Variants in CACNG5 observed in about 807,000 individuals in gnomAD.
The protein encoded by CACNG5 is voltage-dependent calcium channel gamma-5 subunit.
In CACNG5, 18 loss-of-function variants were observed where a neutral mutation model predicts 24.8. The ratio of observed to expected loss-of-function variants is 0.73; its 90% confidence interval spans 0.50 to 1.08. The LOEUF (loss-of-function observed/expected upper bound fraction) is 1.08. Among genes scored for constraint, CACNG5 ranks in the 50% least tolerant of loss-of-function variants. The probability of loss-of-function intolerance (pLI) is 0.00; values close to 1 mark genes in which losing one functional copy is unlikely to be tolerated. For synonymous variants in CACNG5, 157 were observed against 149.1 expected (o/e 1.05, Z -0.39); for missense variants, 349 against 367.9 (o/e 0.95, Z 0.42).
intron 1 of CACNG5, among the ~76,000 whole-genome samples, chr17:66,856,310 G>C (rs867888643): frequency 6.6e-6 from 1 of 152,162 alleles, no homozygotes. Flanking sequence ...TGTTTCAGAG[G>C]TGAAATTTTT....
intron 1 of CACNG5, among the ~76,000 whole-genome samples, chr17:66,847,232 C>A (rs527756468): frequency 6.6e-6 from 1 of 152,352 alleles, no homozygotes; most frequent in South Asian, 2.1e-4. Context: ...CTGGACACAA[C>A]TTGCCCTCTA....
In CACNG5 at chr17:66,877,440, G is replaced by A. The variant is rs753236250; in HGVS notation, c.108G>A (p.Leu36=). 6.2e-7 allele frequency: 1 copy of A among 1,614,080 alleles called. No homozygotes were observed. The highest frequency in any genetic ancestry group is 2.2e-5 in the East Asian group (1 of 44,866). ...TCAGCACCGACTACTGGCTGTACCT[G>A]GAGGAGGGTGTGATTGTGCCCCAGA... ...IAVSTDYWLY[L]EEGVIVPQNQ... The change falls in exon 2 of 6, where the codon CTG becomes CTA. Residue 36 remains leucine, a synonymous_variant. Coordinates refer to ENST00000533854, the MANE Select transcript of CACNG5 (RefSeq NM_145811.3).
intron 1 of CACNG5, among the ~76,000 whole-genome samples, chr17:66,845,588 C>T (rs989989961): frequency 3.9e-5 from 6 of 152,136 alleles, no homozygotes; most frequent in Admixed American, 3.3e-4. Flanking sequence ...TCTGTGCTCC[C>T]GTGGCATCCC....
chr17:66,880,886 C>G (rs1162865671), intron 4 of CACNG5, among the ~76,000 whole-genome samples, 189 bp downstream of exon 4: 1 of 152,154 alleles, frequency 6.6e-6, no homozygotes, highest in Non-Finnish European at 1.5e-5. Context: ...TTACAGGTGC[C>G]TGCCACCACA....
chr17:66,882,804 C>A (rs1428911286), intron 4 of CACNG5, among the ~76,000 whole-genome samples: 1 of 151,972 alleles, frequency 6.6e-6, no homozygotes, highest in East Asian at 1.9e-4. Context: ...CTATTGGATA[C>A]CAAGCATTCT....
At position 66,883,365 on chromosome 17, in the gene CACNG5, C is replaced by T. The variant is rs748054552; in HGVS notation, c.425-1151C>T. ...TTCAATGATAACAATAAAGAGGGTT[C>T]ATTTAGTGCACCAATGATTCAAACA... On this transcript the variant is annotated intron_variant, in intron 4 of 5. Transcript: ENST00000533854. Among the ~76,000 whole-genome samples, 26 of 152,066 alleles carry T rather than the reference C, an allele frequency of 1.7e-4. 1 individual carries two copies. Among genetic ancestry groups the T allele is most frequent in the Non-Finnish European group, 3.1e-4 (21 of 68,016 alleles).
chr17:66,885,268 TG>T lies in CACNG5; in HGVS notation c.*31del. 1 of 1,542,468 alleles carries T rather than the reference TG, an allele frequency of 6.5e-7. No homozygotes were observed. Reference sequence around the variant, plus strand: ...CTCGGCCGCCCCCATCCCTGGACTGTGGGTGGCCAGACAACCCTTCCTGTTC... The same window carrying T: ...CTCGGCCGCCCCCATCCCTGGACTGTGGTGGCCAGACAACCCTTCCTGTTC... On this transcript the variant is annotated 3_prime_UTR_variant, in exon 6 of 6. Transcript: ENST00000533854.
chr17:66,866,892 C>T (rs1481059294), intron 1 of CACNG5, among the ~76,000 whole-genome samples: 1 of 152,084 alleles, frequency 6.6e-6, no homozygotes, highest in Non-Finnish European at 1.5e-5. Context: ...GAGTTGATTC[C>T]ATGTCTTTGC....
In CACNG5 at chr17:66,886,263, G is replaced by A. The variant is rs1977258710; in HGVS notation, c.*1023G>A. ...TTTGAGGACACCTGGTGCAGCTTGA[G>A]TGCAAACAAAGGCAGACTTGGAATA... On this transcript the variant is annotated 3_prime_UTR_variant, in exon 6 of 6. Coordinates refer to ENST00000533854, the MANE Select transcript of CACNG5 (RefSeq NM_145811.3). Among the ~76,000 whole-genome samples, 1 of 152,208 alleles carries A rather than the reference G, an allele frequency of 6.6e-6. No individual in the cohort carries two copies. The highest frequency in any genetic ancestry group is 1.5e-5 in the Non-Finnish European group (1 of 68,038).
Position 66,846,893 on chromosome 17 carries a change from T to C in CACNG5, c.-104+11643T>C, listed in dbSNP as rs112850270. Among the ~76,000 whole-genome samples, 321 of 152,334 alleles carry C rather than the reference T, an allele frequency of 2.1e-3. 2 individuals are homozygous for C. Among genetic ancestry groups the C allele is most frequent in the African/African-American group, 7.3e-3 (302 of 41,566 alleles). ...ACTTTACGCTCCCACCTGCAAAGTA[T>C]GAGGGTTCCAATTTCTCCACATCCT... On this transcript the variant is annotated intron_variant, in intron 1 of 5. Transcript: ENST00000533854.
chr17:66,856,610 C>T (rs1312606054), intron 1 of CACNG5, among the ~76,000 whole-genome samples: 1 of 149,786 alleles, frequency 6.7e-6, no homozygotes, highest in East Asian at 2.0e-4. Context: ...GGCGCTATCT[C>T]GGCTCACTGC....
intron 1 of CACNG5, among the ~76,000 whole-genome samples, chr17:66,876,979 C>T (rs1191877163): frequency 6.7e-6 from 1 of 149,004 alleles, no homozygotes; most frequent in Non-Finnish European, 1.5e-5. Flanking sequence ...CAATGGGTTG[C>T]TGAATGAATG....
In CACNG5 at chr17:66,878,827, A is replaced by G. The variant is rs541155869; in HGVS notation, c.197-145A>G. 6.1e-4 allele frequency: 383 copies of G among 627,216 alleles called. 2 individuals carry two copies. In the African/African-American group the frequency reaches 6.2e-3, roughly 10 times the overall value. The allele number at this position is 627,216 out of a possible 1,614,324, so 38.9% of individuals were successfully genotyped here. A position where few individuals can be genotyped will look rare whatever the true frequency, so the allele number is the denominator to read the frequency against. Reference sequence around the variant, plus strand: ...CTGTGGGCTATGAGCCAGGGACAGGACCCCCATAGGGTTTGGATCCAGCTC... The same window carrying G: ...CTGTGGGCTATGAGCCAGGGACAGGGCCCCCATAGGGTTTGGATCCAGCTC... On this transcript the variant is annotated intron_variant, in intron 2 of 5. Transcript: ENST00000533854.
At chr17:66,851,026 G>A (rs1226094476) in intron 1 of CACNG5, among the ~76,000 whole-genome samples, 1 of 151,966 alleles carries the variant, frequency 6.6e-6, no homozygotes, top group Non-Finnish European at 1.5e-5. Flanking sequence ...GTGGTCTTGG[G>A]CCCCCGCAAG....
chr17:66,865,883 C>T lies in CACNG5; in HGVS notation c.-103-11347C>T, dbSNP rs183665596. On this transcript the variant is annotated intron_variant, in intron 1 of 5. Coordinates refer to ENST00000533854, the MANE Select transcript of CACNG5 (RefSeq NM_145811.3). Reference sequence around the variant, plus strand: ...GTCTCGATCTCCTGACCTCGTGATCCACCCACCTCAGCCTCCCAAAGTGCT... The same window carrying T: ...GTCTCGATCTCCTGACCTCGTGATCTACCCACCTCAGCCTCCCAAAGTGCT... Among the ~76,000 whole-genome samples the T allele has an allele frequency of 1.7e-4, 25 of 151,380 alleles. No homozygotes were observed. The East Asian group carries it at 4.9e-3, about 30-fold the overall frequency.
chr17:66,858,157 G>A (rs999360186), intron 1 of CACNG5, among the ~76,000 whole-genome samples: 4 of 151,976 alleles, frequency 2.6e-5, no homozygotes, highest in South Asian at 2.1e-4. Context: ...GCACCTCCCC[G>A]GCCCACCCCA....
chr17:66,872,562 G>C (rs1360859883), intron 1 of CACNG5, among the ~76,000 whole-genome samples: 1 of 152,336 alleles, frequency 6.6e-6, no homozygotes, highest in Admixed American at 6.5e-5. Flanking sequence ...CATTTTCTGT[G>C]TTATATAATT....
intron 1 of CACNG5, among the ~76,000 whole-genome samples, chr17:66,848,544 A>G (rs1219445909): frequency 6.6e-6 from 1 of 152,216 alleles, no homozygotes; most frequent in Non-Finnish European, 1.5e-5. Flanking sequence ...ACAAACCTCT[A>G]CAGATTCAGA....
At chr17:66,837,617 CTTAATATCCCACCA>C (rs1221778493) in intron 1 of CACNG5, among the ~76,000 whole-genome samples, 2 of 152,232 alleles carry the variant, frequency 1.3e-5, no homozygotes, top group African/African-American at 4.8e-5. Flanking sequence ...CCATCTGATG[CTTAATATCCCACCA>C]TTAGAGACTT....
Sources: gnomAD v4.1 joint callset for allele counts (sites outside exome capture counted in the v4.1 genomes callset) on GRCh38, gnomAD v4.1.1 for gene constraint, MANE v1.5 for transcripts, NCBI Gene and HGNC (gene_info 2026-07-23, HGNC 2026-07-21) for gene names.